HACL2: variants seen among roughly 807,000 people sequenced by gnomAD.
HACL2 encodes the protein 2-hydroxyacyl-CoA lyase 1 like.
At chr19:15,115,738 G>T in the HACL2 span, 1 of 1,574,870 alleles carries the variant, frequency 6.3e-7, no homozygotes, top group South Asian at 1.1e-5. Context: ...AGAGGACAGA[G>T]ACAGGGATAG....
At chr19:15,122,653 G>T in the HACL2 span, 4 of 1,535,808 alleles carry the variant, frequency 2.6e-6, no homozygotes, top group Non-Finnish European at 3.6e-6. This position sits in a 1 kb window ranked among gnomAD's most constrained non-coding sequence, Gnocchi z 4.0. Context: ...AGGAGAGAAC[G>T]GGGGATAAAG....
the HACL2 span, chr19:15,116,858 C>T: frequency 3.2e-6 from 1 of 308,960 alleles, no homozygotes; most frequent in East Asian, 8.0e-5. Context: ...AAGCACATCT[C>T]TCAAATCCAG....
At chr19:15,120,930 T>TCAAAA in the HACL2 span, among the ~76,000 whole-genome samples, 1 of 151,798 alleles carries the variant, frequency 6.6e-6, no homozygotes, top group African/African-American at 2.4e-5. Flanking sequence ...AGGCCCTGTC[T>TCAAAA]CAAAACAAAA....
the HACL2 span, chr19:15,124,956 C>T: frequency 1.2e-6 from 2 of 1,607,870 alleles, no homozygotes; most frequent in Non-Finnish European, 1.7e-6. Context: ...GAGCCCCAGG[C>T]GGTGAGCGGC....
At chr19:15,117,723 A>C in the HACL2 span, 1 of 667,626 alleles carries the variant, frequency 1.5e-6, no homozygotes, top group Non-Finnish European at 2.5e-6. Context: ...AGCATTCATC[A>C]GTTTGAGAGC....
the HACL2 span, chr19:15,116,666 CAG>C: frequency 1.6e-6 from 1 of 637,760 alleles, no homozygotes; most frequent in East Asian, 2.7e-5. Context: ...AGAAAAAAAA[CAG>C]GTGAAACACC....
At chr19:15,124,550 G>A in the HACL2 span, 3 of 262,678 alleles carry the variant, frequency 1.1e-5, no homozygotes, top group African/African-American at 4.6e-5. Context: ...CTCAGCAGAG[G>A]GCAACTGTTA....
the HACL2 span, chr19:15,123,873 C>T: frequency 4.4e-6 from 2 of 459,198 alleles, no homozygotes; most frequent in East Asian, 7.7e-5. The surrounding 1 kb of genome is among the most constrained non-coding windows in gnomAD (Gnocchi z 5.1). Flanking sequence ...GTTACACTGC[C>T]TGTCTCCAGG....
chr19:15,119,192 T>G, the HACL2 span: 1 of 1,588,754 alleles, frequency 6.3e-7, no homozygotes, highest in Middle Eastern at 1.7e-4. Flanking sequence ...ATCCGCCTTC[T>G]TCAGGGCCGC....
the HACL2 span, chr19:15,119,026 G>T: frequency 2.4e-6 from 2 of 848,836 alleles, no homozygotes; most frequent in Non-Finnish European, 3.5e-6. Context: ...GCGTCTGGTT[G>T]GGTTCAAAGC....
the HACL2 span, chr19:15,123,094 C>A: frequency 1.2e-6 from 2 of 1,612,780 alleles, no homozygotes; most frequent in Non-Finnish European, 1.7e-6. The surrounding 1 kb of genome is among the most constrained non-coding windows in gnomAD (Gnocchi z 5.1). Flanking sequence ...TAGGCCCCCA[C>A]TGGCCCCCAA....
chr19:15,124,490 T>G, the HACL2 span: 1 of 163,696 alleles, frequency 6.1e-6, no homozygotes, highest in Non-Finnish European at 1.3e-5. Flanking sequence ...GAACAGCACC[T>G]ACTTTCAAGG....
chr19:15,119,488 G>A, the HACL2 span: 79 of 1,614,084 alleles, frequency 4.9e-5, no homozygotes, highest in South Asian at 1.9e-4. Context: ...CTCTTGGCCC[G>A]GCTCAGGATC....
At chr19:15,118,640 C>G in the HACL2 span, among the ~76,000 whole-genome samples, 1 of 152,222 alleles carries the variant, frequency 6.6e-6, no homozygotes, top group East Asian at 1.9e-4. Flanking sequence ...CCTCCACTCA[C>G]TCTCTTGAAT....
the HACL2 span, chr19:15,119,532 G>A: frequency 6.3e-7 from 1 of 1,596,184 alleles, no homozygotes. Context: ...CGAGAGGTGG[G>A]GATCAAAGGG....
At chr19:15,117,701 T>A in the HACL2 span, 9 of 585,734 alleles carry the variant, frequency 1.5e-5, no homozygotes, top group African/African-American at 3.7e-5. Flanking sequence ...ATAAAAAAAA[T>A]TTAAAGAAAG....
chr19:15,121,928 T>C, the HACL2 span, among the ~76,000 whole-genome samples: 1 of 146,086 alleles, frequency 6.8e-6, no homozygotes, highest in South Asian at 2.2e-4. Context: ...GACGGAGTCT[T>C]GCTCTGTCAC....
chr19:15,117,723 A>G, the HACL2 span: 5 of 667,508 alleles, frequency 7.5e-6, no homozygotes, highest in Middle Eastern at 4.1e-4. Flanking sequence ...AGCATTCATC[A>G]GTTTGAGAGC....
chr19:15,116,424 T>C, the HACL2 span: 4 of 1,613,948 alleles, frequency 2.5e-6, no homozygotes, highest in Non-Finnish European at 3.4e-6. Context: ...GTCTGCTCCT[T>C]CTGCCGGTCG....
Sources: gnomAD v4.1 joint callset for allele counts (sites outside exome capture counted in the v4.1 genomes callset) on GRCh38, gnomAD v4.1.1 for gene constraint, Gnocchi (gnomAD v3.1) non-coding constraint, MANE v1.5 for transcripts, NCBI Gene and HGNC (gene_info 2026-07-23, HGNC 2026-07-21) for gene names.